TRRAP: variants seen among roughly 807,000 people sequenced by gnomAD.
TRRAP encodes transformation/transcription domain-associated protein.
TRRAP carries 41 observed loss-of-function variants against 438.8 expected under a neutral mutation model. The ratio of observed to expected loss-of-function variants is 0.09; its 90% CI spans 0.07 to 0.12. TRRAP has a LOEUF of 0.12. Ranked by LOEUF, TRRAP falls within the 10% of genes least tolerant of loss-of-function variation. The pLI, the probability that TRRAP is intolerant of heterozygous loss-of-function variation, is 1.00. For missense variants in TRRAP, 3,122 were observed against 5,055.1 expected, an observed-to-expected ratio of 0.62 and a Z score of 11.60; for synonymous variants, 1,994 against 1,962.9, an observed-to-expected ratio of 1.02 and a Z score of -0.42.
intron 20 of TRRAP, 23 bp from the exon 21 acceptor site, chr7:98,921,730 A>T: frequency 1.9e-6 from 3 of 1,613,474 alleles, no homozygotes. Flanking sequence ...AGAGGACCTT[A>T]ATGAAAGCAC....
At chr7:98,941,349 C>T (rs148953298) in intron 30 of TRRAP, among the ~76,000 whole-genome samples, 35 of 152,096 alleles carry the variant, frequency 2.3e-4, no homozygotes, top group African/African-American at 7.2e-4. Context: ...CTAGTTTTTG[C>T]GTTTTTAGTA....
At chr7:98,900,312 T>C (rs572708271) in intron 10 of TRRAP, among the ~76,000 whole-genome samples, 7 of 152,222 alleles carry the variant, frequency 4.6e-5, no homozygotes, top group African/African-American at 1.7e-4. Context: ...ACGGCCCTAG[T>C]TGGGGTCTTG....
chr7:98,910,225 C>A lies in TRRAP; in HGVS notation c.1520C>A (p.Pro507His), dbSNP rs782175282. The A allele has an allele frequency of 1.4e-6, 2 of 1,424,280 alleles. No homozygotes were observed. Among genetic ancestry groups the A allele is most frequent in the Admixed American group, 2.4e-5 (1 of 41,854 alleles). The allele number at this position is 1,424,280 out of a possible 1,614,324, so 88.2% of individuals were successfully genotyped here. A position where few individuals can be genotyped will look rare whatever the true frequency, so the allele number is the denominator to read the frequency against. The change falls in exon 15 of 73, where the codon CCT becomes CAT. Residue 507 changes from proline to histidine, a missense_variant. By Grantham distance (77) the Pro-to-His change is moderately conservative (BLOSUM62 -2). Around this residue, in one of 24 missense-constraint regions of TRRAP, gnomAD observed 115 missense variants for 124.6 expected, o/e 0.92. Coordinates refer to ENST00000456197, the MANE Select transcript of TRRAP (RefSeq NM_001375524.1). ...APSPAPVPAP[P>H]PPPPPPPPAT... ...TCCCCAGCCCCTGTCCCTGCCCCAC[C>A]TCCACCCCCGCCCCCACCCCCACCT...
chr7:98,989,514 T>C (rs1031554900), intron 63 of TRRAP, among the ~76,000 whole-genome samples: 21 of 152,260 alleles, frequency 1.4e-4, no homozygotes, highest in African/African-American at 4.8e-4. Context: ...AACCCAGAAT[T>C]AATTCCAGCA....
intron 47 of TRRAP, among the ~76,000 whole-genome samples, chr7:98,963,443 G>A (rs1240476065): frequency 2.0e-5 from 3 of 152,198 alleles, no homozygotes; most frequent in Admixed American, 1.3e-4. Context: ...TTGTTGAGAA[G>A]GGCTGACCTC....
intron 33 of TRRAP, 61 bp downstream of exon 33, chr7:98,946,011 C>T (rs1179896754): frequency 1.5e-6 from 2 of 1,369,128 alleles, no homozygotes; most frequent in Non-Finnish European, 1.9e-6. Context: ...TGCTGTGACT[C>T]GTTAGCTGTG....
intron 33 of TRRAP, among the ~76,000 whole-genome samples, chr7:98,946,428 T>TGC (rs1162164506): frequency 6.6e-6 from 1 of 151,484 alleles, no homozygotes; most frequent in Non-Finnish European, 1.5e-5. Context: ...ACACCACACA[T>TGC]GCACACACAC....
At chr7:98,892,779 A>G (rs373869929) in intron 5 of TRRAP, among the ~76,000 whole-genome samples, 1 of 152,156 alleles carries the variant, frequency 6.6e-6, no homozygotes, top group Admixed American at 6.5e-5. Context: ...ACAGTTGCGG[A>G]TGGTGAGCCG....
chr7:98,885,528 A>G (rs1459489323), intron 3 of TRRAP, among the ~76,000 whole-genome samples: 3 of 152,148 alleles, frequency 2.0e-5, no homozygotes, highest in African/African-American at 7.2e-5. Context: ...GTAGCAATGG[A>G]TAGTATTTTA....
Position 98,949,548 on chromosome 7 carries a change from C to G in TRRAP, c.4920C>G (p.Thr1640=). 1 of 1,591,578 alleles carries G rather than the reference C, an allele frequency of 6.3e-7. No individual in the cohort carries two copies. Among genetic ancestry groups the G allele is most frequent in the Non-Finnish European group, 8.6e-7 (1 of 1,169,044 alleles). Residue 1640 remains threonine (T), a synonymous_variant, in exon 36 of 73, where the codon ACC becomes ACG. Coordinates refer to ENST00000456197, the MANE Select transcript of TRRAP (RefSeq NM_001375524.1). ...AVRPGSPSTS[T]MRLDLQFQAI... ...GCCCCGGTTCGCCCAGCACCAGCACCATGCGCCTGGACCTCCAGTTCCAGG... is the reference window on the plus strand; with the variant it reads ...GCCCCGGTTCGCCCAGCACCAGCACGATGCGCCTGGACCTCCAGTTCCAGG...
intron 3 of TRRAP, among the ~76,000 whole-genome samples, chr7:98,887,215 T>C (rs1554404107): frequency 6.6e-6 from 1 of 152,232 alleles, no homozygotes; most frequent in Admixed American, 6.5e-5. Context: ...TGAGTCACTG[T>C]GCCCAGCCCT....
At chr7:98,892,880 C>T (rs1373363146) in intron 5 of TRRAP, among the ~76,000 whole-genome samples, 1 of 152,164 alleles carries the variant, frequency 6.6e-6, no homozygotes, top group Non-Finnish European at 1.5e-5. Flanking sequence ...CTAGTACATG[C>T]TCATAAAGAG....
At position 98,976,468 on chromosome 7, in the gene TRRAP, G is replaced by A. The variant is rs1440733434; in HGVS notation, c.7960-15G>A. ...TTTTGAATGAAGGCCTAAATGACAT[G>A]TGCTTTGGTTTCAGGCACTCGCGGG... On this transcript the variant is annotated splice_polypyrimidine_tract_variant and intron_variant, in intron 54 of 72. Coordinates refer to ENST00000456197, the MANE Select transcript of TRRAP (RefSeq NM_001375524.1). This position sits in a 1 kb window ranked among gnomAD's most constrained non-coding sequence, Gnocchi z 4.6. 1 of 1,602,320 alleles carries A rather than the reference G, an allele frequency of 6.2e-7. No homozygotes were observed. The highest frequency in any genetic ancestry group is 8.5e-7 in the Non-Finnish European group (1 of 1,176,220).
At chr7:98,992,084 A>T in intron 64 of TRRAP, 53 bp from the exon 65 acceptor site, 1 of 1,582,330 alleles carries the variant, frequency 6.3e-7, no homozygotes. Flanking sequence ...AATTATCTTT[A>T]TCCAGAGCTC....
rs869284648 is a variant in TRRAP, at chr7:98,953,079, GTT to G, written c.5464-84_5464-83del. The G allele has an allele frequency of 3.8e-4, 272 of 719,030 alleles. No homozygotes were observed. In the East Asian group the frequency reaches 7.1e-3, roughly 19 times the overall value. The allele number at this position is 719,030 out of a possible 1,614,324, so 44.5% of individuals were successfully genotyped here. On this transcript the variant is annotated intron_variant, in intron 39 of 72. Coordinates refer to ENST00000456197, the MANE Select transcript of TRRAP (RefSeq NM_001375524.1). ...TGTGTGTGTGTGTGTGTGTGTGTGT[GTT>G]TTTAAGGCTTAAACCTGTCGTATGA... is the stretch of plus-strand genomic sequence containing the variant.
intron 24 of TRRAP, among the ~76,000 whole-genome samples, 194 bp from the exon 25 acceptor site, chr7:98,930,439 G>A (rs537172818): frequency 1.3e-5 from 2 of 152,302 alleles, no homozygotes; most frequent in South Asian, 2.1e-4. Context: ...TTAGCCAGGC[G>A]TGGTGGCGCA....
rs550710866 is a variant in TRRAP at position 98,939,267 on chromosome 7, G to C, written c.4404+1447G>C. ...CTATAAACAGGAGTTTATATCTACT[G>C]ATGGACAGATAAGGTAGAGATTGCA... On this transcript the variant is annotated intron_variant, in intron 30 of 72. Coordinates refer to ENST00000456197, the MANE Select transcript of TRRAP (RefSeq NM_001375524.1). Among the ~76,000 whole-genome samples the C allele has an allele frequency of 1.8e-4, 28 of 152,252 alleles. No individual in the cohort carries two copies. In the South Asian group the frequency reaches 4.6e-3, roughly 25 times the overall value.
At chr7:99,010,951 C>T in intron 70 of TRRAP, 101 bp from the exon 71 acceptor site, 1 of 1,202,456 alleles carries the variant, frequency 8.3e-7, no homozygotes, top group South Asian at 1.5e-5. Flanking sequence ...ACAGAATTTG[C>T]TCTTGGTGCT....
intron 25 of TRRAP, 144 bp from the exon 26 acceptor site, chr7:98,931,261 G>T (rs181002573): frequency 1.3e-5 from 15 of 1,185,610 alleles, no homozygotes; most frequent in Non-Finnish European, 9.3e-6. Context: ...CCAAGTGGGT[G>T]CCGTGAAGTC....
Sources: gnomAD v4.1 joint callset for allele counts (sites outside exome capture counted in the v4.1 genomes callset) on GRCh38, gnomAD v4.1.1 for gene constraint, gnomAD v4.1.1 regional missense constraint, Gnocchi (gnomAD v3.1) non-coding constraint, MANE v1.5 for transcripts, NCBI Gene and HGNC (gene_info 2026-07-23, HGNC 2026-07-21) for gene names.